NRBF2: variants seen among roughly 807,000 people sequenced by gnomAD.
The protein encoded by NRBF2 is nuclear receptor binding factor 2.
NRBF2 carries 12 observed loss-of-function variants against 28.5 expected under a neutral mutation model. The ratio of observed to expected loss-of-function variants is 0.42; its 90% CI spans 0.27 to 0.68. The LOEUF is 0.68. Among genes scored for constraint, NRBF2 ranks in the 30% least tolerant of loss-of-function variants. The pLI, the probability that NRBF2 is intolerant of heterozygous loss-of-function variation, is 0.24. For synonymous variants in NRBF2, 102 were observed against 116.5 expected (o/e 0.88, Z 0.80); for missense variants, 274 against 333.5 (o/e 0.82, Z 1.39).
At chr10:63,150,163 G>C (rs976975501) in intron 2 of NRBF2, 1 of 151,404 alleles carries the variant, frequency 6.6e-6, no homozygotes, top group East Asian at 1.9e-4. Context: ...TGCTGGCCAG[G>C]CTGGTCTCGA....
intron 1 of NRBF2, among the ~76,000 whole-genome samples, chr10:63,137,236 A>G (rs983588754): frequency 2.0e-5 from 3 of 152,174 alleles, no homozygotes; most frequent in South Asian, 2.1e-4. Context: ...CAGCCTCCCA[A>G]AGTGTTGGGA....
At chr10:63,146,435 G>T (rs956173387) in intron 2 of NRBF2, 142 bp downstream of exon 2, 6 of 583,472 alleles carry the variant, frequency 1.0e-5, no homozygotes, top group Middle Eastern at 2.8e-4. Flanking sequence ...AAGTAAGTGT[G>T]TTGGATTTCC....
At chr10:63,151,494 AACTTG>A (rs1456368841) in intron 2 of NRBF2, among the ~76,000 whole-genome samples, 9 of 152,192 alleles carry the variant, frequency 5.9e-5, no homozygotes, top group African/African-American at 1.2e-4. Context: ...TTTTTTTAAG[AACTTG>A]ACTTAAGTTT....
At position 63,138,549 on chromosome 10, in the gene NRBF2, T is replaced by C. The variant is rs373297550; in HGVS notation, c.30+5049T>C. Among the ~76,000 whole-genome samples the C allele has an allele frequency of 1.5e-3, 220 of 150,554 alleles. 4 individuals are homozygous for C. In the East Asian group the frequency reaches 0.034, roughly 23 times the overall value. ...CACGAGGTCAGGAGATCGAGACCAT[T>C]CTAGCTAACACGGTGAAACCCCGTC... is the stretch of plus-strand genomic sequence containing the variant. On this transcript the variant is annotated intron_variant, in intron 1 of 3. Transcript: ENST00000277746.
At chr10:63,141,829 T>G (rs1039919774) in intron 1 of NRBF2, among the ~76,000 whole-genome samples, 1 of 152,220 alleles carries the variant, frequency 6.6e-6, no homozygotes, top group East Asian at 1.9e-4. Context: ...GGAAATGTAC[T>G]TAAAATACGA....
chr10:63,152,451 G>C (rs1232586445), intron 3 of NRBF2, among the ~76,000 whole-genome samples: 1 of 152,194 alleles, frequency 6.6e-6, no homozygotes, highest in Non-Finnish European at 1.5e-5. Context: ...GTACCTTTTA[G>C]AGAGCCCTCT....
chr10:63,142,293 G>GTTTTTTTTTT (rs1261835924), intron 1 of NRBF2, among the ~76,000 whole-genome samples: 2 of 135,532 alleles, frequency 1.5e-5, no homozygotes, highest in Non-Finnish European at 1.6e-5. Flanking sequence ...CAGAACCTTT[G>GTTTTTTTTTT]TTTTTTTTGT....
In NRBF2 at chr10:63,154,925, C is replaced by T. The variant is rs1841711321; in HGVS notation, c.*707C>T. The T allele has an allele frequency of 6.6e-6, 1 of 152,558 alleles. No homozygotes were observed. The highest frequency in any genetic ancestry group is 1.5e-5 in the Non-Finnish European group (1 of 68,026). The allele number at this position is 152,558 out of a possible 1,614,324, so 9.5% of individuals were successfully genotyped here. A position where few individuals can be genotyped will look rare whatever the true frequency, so the allele number is the denominator to read the frequency against. On this transcript the variant is annotated 3_prime_UTR_variant, in exon 4 of 4. Coordinates refer to ENST00000277746, the MANE Select transcript of NRBF2 (RefSeq NM_030759.5). ...TTGTATAATGCATCATTTGAAAATA[C>T]CAAGGAGGAAATACCCTTTGTTTTT...
At chr10:63,138,029 G>A (rs1418398502) in intron 1 of NRBF2, among the ~76,000 whole-genome samples, 3 of 152,132 alleles carry the variant, frequency 2.0e-5, no homozygotes, top group East Asian at 1.9e-4. Context: ...GGTGATAGTA[G>A]GATATGAAGG....
At chr10:63,152,366 G>A (rs1048443887) in intron 3 of NRBF2, among the ~76,000 whole-genome samples, 176 bp downstream of exon 3, 4 of 152,190 alleles carry the variant, frequency 2.6e-5, no homozygotes, top group South Asian at 2.1e-4. Flanking sequence ...AACTGCAGTC[G>A]ATGCCCCAGA....
At chr10:63,138,505 G>A (rs1841410007) in intron 1 of NRBF2, among the ~76,000 whole-genome samples, 2 of 151,286 alleles carry the variant, frequency 1.3e-5, no homozygotes, top group South Asian at 4.2e-4. Context: ...AAAAAATTGG[G>A]AGGCCAAGGC....
intron 2 of NRBF2, among the ~76,000 whole-genome samples, chr10:63,151,777 C>T (rs373012109): frequency 6.2e-4 from 95 of 152,172 alleles, no homozygotes; most frequent in African/African-American, 9.4e-4. Context: ...GGTATTCAGA[C>T]GGATAAAAAG....
chr10:63,139,673 C>CT (rs1364220273), intron 1 of NRBF2, among the ~76,000 whole-genome samples: 5 of 152,190 alleles, frequency 3.3e-5, no homozygotes, highest in African/African-American at 4.8e-5. Context: ...CTCTCCCTCT[C>CT]TTTTTTTGCC....
Position 63,133,387 on chromosome 10 carries a change from C to T in NRBF2, c.-84C>T, listed in dbSNP as rs757629303. 1.6e-5 allele frequency: 24 copies of T among 1,538,478 alleles called. No individual in the cohort carries two copies. In the Admixed American group the frequency reaches 4.0e-4, roughly 26 times the overall value. ...CAGAGAGGGGCCGCAGTCTCCGCGG[C>T]TGCGTCGAGCTCCCTTGCAGTCCCC... On this transcript the variant is annotated 5_prime_UTR_variant, in exon 1 of 4. Transcript: ENST00000277746.
At chr10:63,142,432 G>A (rs951353708) in intron 1 of NRBF2, among the ~76,000 whole-genome samples, 19 of 151,274 alleles carry the variant, frequency 1.3e-4, no homozygotes, top group African/African-American at 4.6e-4. Flanking sequence ...TCTTCTCAAA[G>A]TGCTGGGCTT....
At chr10:63,144,042 G>C (rs1841519720) in intron 1 of NRBF2, among the ~76,000 whole-genome samples, 1 of 152,174 alleles carries the variant, frequency 6.6e-6, no homozygotes, top group South Asian at 2.1e-4. Context: ...ATAGGCATGA[G>C]CCACAGCACC....
chr10:63,147,413 T>G (rs1207625565), intron 2 of NRBF2, among the ~76,000 whole-genome samples: 1 of 151,734 alleles, frequency 6.6e-6, no homozygotes, highest in African/African-American at 2.4e-5. Flanking sequence ...TCCCGCCTCC[T>G]GGTTTCAAGT....
At position 63,134,057 on chromosome 10, in the gene NRBF2, A is replaced by G. The variant is rs148069670; in HGVS notation, c.30+557A>G. Reference sequence around the variant, plus strand: ...ATTTCTCACATACATTCACATGCATAAACTGAGTCTACCGTCTTCCAAATA... The same window carrying G: ...ATTTCTCACATACATTCACATGCATGAACTGAGTCTACCGTCTTCCAAATA... On this transcript the variant is annotated intron_variant, in intron 1 of 3. Transcript: ENST00000277746. 4.3e-4 allele frequency among the ~76,000 whole-genome samples: 62 copies of G among 145,666 alleles called. 1 individual carries two copies. The East Asian group carries it at 0.014, about 33-fold the overall frequency.
In NRBF2 at chr10:63,154,204, T is replaced by C. The variant is rs1369466505; in HGVS notation, c.850T>C (p.Phe284Leu). Reference protein sequence around the residue: ...MELSEDILKGFMNN With the variant: ...MELSEDILKGLMNN ...GCTCTCTGAGGATATTCTGAAAGGA[T>C]TTATGAATAATTAAAATGGAAGGCC... The change falls in exon 4 of 4, where the codon TTT becomes CTT. Residue 284 changes from phenylalanine to leucine, a missense_variant. Transcript: ENST00000277746. The C allele has an allele frequency of 6.4e-7, 1 of 1,570,936 alleles. No homozygotes were observed. Among genetic ancestry groups the C allele is most frequent in the Non-Finnish European group, 8.7e-7 (1 of 1,150,280 alleles).
Sources: allele counts gnomAD v4.1 joint callset (sites outside exome capture counted in the v4.1 genomes callset), GRCh38; gene constraint gnomAD v4.1.1; transcripts MANE v1.5; gene names NCBI Gene and HGNC (gene_info 2026-07-23, HGNC 2026-07-21).